TENM3: variants seen among roughly 807,000 people sequenced by gnomAD.
TENM3 encodes teneurin-3.
A neutral mutation model predicts 255.1 loss-of-function variants in TENM3; 63 were observed. That is an observed-to-expected ratio of 0.25 (90% CI 0.20 to 0.30). TENM3 has a LOEUF of 0.30. Ranked by LOEUF, TENM3 falls within the 10% of genes least tolerant of loss-of-function variation. The pLI is 1.00. For missense variants in TENM3, 2,929 were observed against 3,461.1 expected, an observed-to-expected ratio of 0.85 and a Z score of 3.86; for synonymous variants, 1,306 against 1,322.3, an observed-to-expected ratio of 0.99 and a Z score of 0.27.
At chr4:181,641,805 C>CGTAT in the TENM3 span, among the ~76,000 whole-genome samples, 3 of 31,438 alleles carry the variant, frequency 9.5e-5, no homozygotes, top group Non-Finnish European at 1.6e-4. Flanking sequence ...ACACACACAC[C>CGTAT]ATATATATAT....
intron 3 of TENM3, among the ~76,000 whole-genome samples, chr4:182,371,224 C>G (rs1451725877): frequency 9.7e-6 from 1 of 102,892 alleles, no homozygotes; most frequent in Non-Finnish European, 1.9e-5. Context: ...AAATTCTCCT[C>G]CCCATCACAC....
the TENM3 span, among the ~76,000 whole-genome samples, chr4:181,819,248 G>GT: frequency 1.3e-5 from 2 of 151,982 alleles, no homozygotes; most frequent in Non-Finnish European, 2.9e-5. Context: ...CCATTCTCAA[G>GT]TTTTTTTGCC....
chr4:181,657,854 G>A, the TENM3 span, among the ~76,000 whole-genome samples: 1 of 152,090 alleles, frequency 6.6e-6, no homozygotes, highest in African/African-American at 2.4e-5. Context: ...TGGAACCGGA[G>A]GCCATTATCC....
chr4:182,041,436 A>C, the TENM3 span, among the ~76,000 whole-genome samples: 1 of 152,206 alleles, frequency 6.6e-6, no homozygotes, highest in South Asian at 2.1e-4. Context: ...CAAAGACTCT[A>C]TGTGAACACA....
At chr4:182,450,063 T>G (rs903048072) in intron 3 of TENM3, among the ~76,000 whole-genome samples, 1 of 152,228 alleles carries the variant, frequency 6.6e-6, no homozygotes, top group Admixed American at 6.5e-5. Flanking sequence ...TCTGAAAGCC[T>G]AATATAATCA....
the TENM3 span, among the ~76,000 whole-genome samples, chr4:181,487,901 T>TA: frequency 2.0e-5 from 3 of 152,072 alleles, no homozygotes; most frequent in Non-Finnish European, 4.4e-5. Context: ...ATATAGATGT[T>TA]AAAAAAAATT....
chr4:182,442,406 T>C (rs371950151), intron 3 of TENM3, among the ~76,000 whole-genome samples: 48 of 152,352 alleles, frequency 3.2e-4, no homozygotes, highest in African/African-American at 1.1e-3. Flanking sequence ...TTCTGTCCAC[T>C]GCATAAAGGA....
chr4:182,137,800 G>A, the TENM3 span, among the ~76,000 whole-genome samples: 1 of 152,174 alleles, frequency 6.6e-6, no homozygotes, highest in African/African-American at 2.4e-5. Flanking sequence ...AAAGCTGCAA[G>A]GGAAGACCCA....
At chr4:181,949,222 A>G in the TENM3 span, among the ~76,000 whole-genome samples, 1 of 152,210 alleles carries the variant, frequency 6.6e-6, no homozygotes, top group Admixed American at 6.5e-5. Context: ...TTCATGAGCA[A>G]TTCCTCAAAT....
At chr4:181,530,960 CT>C in the TENM3 span, among the ~76,000 whole-genome samples, 5 of 151,780 alleles carry the variant, frequency 3.3e-5, no homozygotes, top group South Asian at 2.1e-4. Flanking sequence ...CTGCTACTTC[CT>C]TTTTTTTAAT....
intron 5 of TENM3, among the ~76,000 whole-genome samples, chr4:182,648,032 C>G (rs1752908634): frequency 6.6e-6 from 1 of 152,172 alleles, no homozygotes; most frequent in Non-Finnish European, 1.5e-5. Context: ...GAAAGTCTTT[C>G]CTCACTCTTT....
chr4:182,577,252 G>A (rs755540931), intron 3 of TENM3, among the ~76,000 whole-genome samples: 4 of 152,182 alleles, frequency 2.6e-5, no homozygotes, highest in Non-Finnish European at 4.4e-5. Context: ...GCTCAAAAGC[G>A]AGGAGGCAAT....
intron 3 of TENM3, among the ~76,000 whole-genome samples, chr4:182,395,761 C>A (rs1017346724): frequency 6.6e-6 from 1 of 152,146 alleles, no homozygotes; most frequent in Non-Finnish European, 1.5e-5. Flanking sequence ...CCTGTTTGTG[C>A]GGAATTATTT....
In TENM3 at chr4:182,624,692, T is replaced by C. The variant is rs182371349; in HGVS notation, c.750-3959T>C. On this transcript the variant is annotated intron_variant, in intron 4 of 27. Coordinates refer to ENST00000511685, the MANE Select transcript of TENM3 (RefSeq NM_001080477.4). ...CTATTTCACTCAGCAGTCTGGGCTT[T>C]AGAAAACCGGTAAGAGACTCAAGCT... 5.3e-5 allele frequency among the ~76,000 whole-genome samples: 8 copies of C among 152,294 alleles called. No individual in the cohort carries two copies. In the East Asian group the frequency reaches 9.7e-4, roughly 18 times the overall value.
At chr4:181,631,025 G>T in the TENM3 span, among the ~76,000 whole-genome samples, 1 of 152,158 alleles carries the variant, frequency 6.6e-6, no homozygotes, top group African/African-American at 2.4e-5. Context: ...TCTGATTGCG[G>T]TATCAATAGG....
chr4:182,438,097 C>A (rs28377316), intron 3 of TENM3, among the ~76,000 whole-genome samples: 51,255 of 152,014 alleles, frequency 0.34, 8,907 homozygotes, highest in Middle Eastern at 0.42. Flanking sequence ...ACCCAGATAA[C>A]TTAAGAGTTA....
chr4:182,244,814 C>T (rs1198519418), intron 1 of TENM3, among the ~76,000 whole-genome samples: 1 of 152,234 alleles, frequency 6.6e-6, no homozygotes, highest in Non-Finnish European at 1.5e-5. Flanking sequence ...TTGCAAATAT[C>T]ACTTTACTTC....
At chr4:181,848,003 T>A in the TENM3 span, among the ~76,000 whole-genome samples, 2 of 152,176 alleles carry the variant, frequency 1.3e-5, no homozygotes, top group Admixed American at 6.5e-5. Flanking sequence ...ACCAGAGAGT[T>A]GTTTTGGTTA....
chr4:182,260,617 T>C (rs1251187002), intron 1 of TENM3, among the ~76,000 whole-genome samples: 1 of 152,228 alleles, frequency 6.6e-6, no homozygotes. Flanking sequence ...AATTCTGAAA[T>C]GGTTCTATTA....
Sources: allele counts gnomAD v4.1 joint callset (sites outside exome capture counted in the v4.1 genomes callset), GRCh38; gene constraint gnomAD v4.1.1; transcripts MANE v1.5; gene names NCBI Gene and HGNC (gene_info 2026-07-23, HGNC 2026-07-21).